CSE1L: variants seen among roughly 807,000 people sequenced by gnomAD.
CSE1L encodes the protein chromosome segregation 1 like.
In CSE1L, 24 loss-of-function variants were observed where a neutral mutation model predicts 120.4. The ratio of observed to expected loss-of-function variants is 0.20; its 90% CI spans 0.14 to 0.28. The LOEUF (loss-of-function observed/expected upper bound fraction) is 0.28, where lower values mean the gene tolerates loss of function less well. Ranked by LOEUF, CSE1L falls within the 10% of genes least tolerant of loss-of-function variation. CSE1L has a pLI of 1.00. For missense variants in CSE1L, 830 were observed against 1,145.2 expected (o/e 0.72, Z 3.97); for synonymous variants, 402 against 398.3 (o/e 1.01, Z -0.11).
Position 49,067,171 on chromosome 20 carries a change from T to G in CSE1L, c.477-19T>G, listed in dbSNP as rs1216251246. 1 of 1,529,728 alleles carries G rather than the reference T, an allele frequency of 6.5e-7. No individual in the cohort carries two copies. The highest frequency in any genetic ancestry group is 2.3e-5 in the East Asian group (1 of 44,260). The allele number at this position is 1,529,728 out of a possible 1,614,324, so 94.8% of individuals were successfully genotyped here. A position where few individuals can be genotyped will look rare whatever the true frequency, so the allele number is the denominator to read the frequency against. On this transcript the variant is annotated intron_variant, in intron 5 of 24. Coordinates refer to ENST00000262982, the MANE Select transcript of CSE1L (RefSeq NM_001316.4). ...TAAAAAAAACTTGTAAATTTATCTG[T>G]TTTACCTTAATTTTCTAGATACCGT...
chr20:49,073,766 A>G (rs867376690), intron 10 of CSE1L, among the ~76,000 whole-genome samples: 12 of 152,162 alleles, frequency 7.9e-5, no homozygotes, highest in African/African-American at 2.9e-4. Flanking sequence ...GATTACAGGC[A>G]TGAGCCACCA....
At chr20:49,094,367 G>A (rs2092124112) in intron 23 of CSE1L, 81 bp downstream of exon 23, 2 of 1,362,202 alleles carry the variant, frequency 1.5e-6, no homozygotes, top group East Asian at 2.3e-5. Context: ...TTATTCTCTT[G>A]GGGGCCAAGA....
intron 1 of CSE1L, among the ~76,000 whole-genome samples, chr20:49,057,307 AT>A (rs2091816436): frequency 6.6e-6 from 1 of 152,138 alleles, no homozygotes; most frequent in African/African-American, 2.4e-5. Context: ...GAACTCTAGA[AT>A]TTATCTCCCT....
chr20:49,081,342 G>A (rs1206794607), intron 14 of CSE1L, among the ~76,000 whole-genome samples: 1 of 152,130 alleles, frequency 6.6e-6, no homozygotes, highest in Non-Finnish European at 1.5e-5. Flanking sequence ...GGAGTGCAGT[G>A]ACATGACCAC....
chr20:49,051,623 G>T (rs145493669), intron 1 of CSE1L, among the ~76,000 whole-genome samples: 92 of 152,348 alleles, frequency 6.0e-4, no homozygotes, highest in African/African-American at 2.1e-3. Context: ...AGCTCTGCAG[G>T]CAGAAGGAAT....
intron 22 of CSE1L, among the ~76,000 whole-genome samples, chr20:49,092,820 A>G (rs2092112313): frequency 6.6e-6 from 1 of 152,008 alleles, no homozygotes; most frequent in Admixed American, 6.5e-5. Flanking sequence ...GTATAATTAA[A>G]AAAAAAAACC....
At chr20:49,069,520 A>C (rs913427594) in intron 7 of CSE1L, among the ~76,000 whole-genome samples, 5 of 152,264 alleles carry the variant, frequency 3.3e-5, no homozygotes, top group African/African-American at 1.2e-4. Flanking sequence ...CAACATGAAT[A>C]AACTCATAGT....
intron 8 of CSE1L, among the ~76,000 whole-genome samples, chr20:49,071,987 CA>C (rs1440021303): frequency 6.8e-6 from 1 of 146,800 alleles, no homozygotes; most frequent in African/African-American, 2.5e-5. Flanking sequence ...AAAAAAAAAC[CA>C]CTCCTGGCCT....
chr20:49,066,591 G>A, intron 5 of CSE1L, 81 bp downstream of exon 5: 14 of 1,268,064 alleles, frequency 1.1e-5, no homozygotes, highest in Admixed American at 2.5e-5. Flanking sequence ...TTTTGTGACT[G>A]TTGTCATTCC....
At chr20:49,064,592 A>G (rs1038892458) in intron 3 of CSE1L, among the ~76,000 whole-genome samples, 1 of 152,134 alleles carries the variant, frequency 6.6e-6, no homozygotes, top group Non-Finnish European at 1.5e-5. Flanking sequence ...CACGGCCTGT[A>G]GTCCCAGCCA....
At chr20:49,074,359 C>G (rs948104963) in intron 10 of CSE1L, among the ~76,000 whole-genome samples, 2 of 151,850 alleles carry the variant, frequency 1.3e-5, no homozygotes, top group Non-Finnish European at 2.9e-5. Context: ...GCGTGAGCCA[C>G]CATGCCGGCC....
At chr20:49,080,988 T>C (rs2092008412) in intron 14 of CSE1L, among the ~76,000 whole-genome samples, 5 of 64,522 alleles carry the variant, frequency 7.7e-5, no homozygotes, top group South Asian at 7.9e-4. Context: ...TCTTTCTCCT[T>C]CTTTTTTTTT....
In CSE1L at chr20:49,089,339, A is replaced by G. The variant is rs1432328554; in HGVS notation, c.1914A>G (p.Val638=). The G allele has an allele frequency of 6.2e-7, 1 of 1,613,414 alleles. No individual in the cohort carries two copies. The highest frequency in any genetic ancestry group is 1.3e-5 in the African/African-American group (1 of 74,978). The change falls in exon 18 of 25, where the codon GTA becomes GTG. Residue 638 remains valine, a synonymous_variant. Transcript: ENST00000262982. The stretch of plus-strand genomic sequence containing the variant: ...GCAAAGCTAACCCTGCTGCTGTTGT[A>G]AATTTTGAGGAGGCTTTGTTTTTGG... The part of the protein sequence containing the change: ...ITCKANPAAV[V]NFEEALFLVF...
chr20:49,091,151 G>A (rs1301310361), intron 21 of CSE1L, 129 bp downstream of exon 21: 3 of 689,648 alleles, frequency 4.4e-6, no homozygotes, highest in East Asian at 5.5e-5. Context: ...GGCCACGTGT[G>A]GAGGTTCATG....
intron 24 of CSE1L, 30 bp from the exon 25 acceptor site, chr20:49,096,319 C>T (rs751978948): frequency 1.3e-6 from 2 of 1,563,940 alleles, no homozygotes; most frequent in Admixed American, 1.7e-5. Flanking sequence ...AGATCTCCAA[C>T]AGCCAGTGTG....
At position 49,085,589 on chromosome 20, in the gene CSE1L, T is replaced by TTTTTTTTG. The variant is rs11474758; in HGVS notation, c.1723+203_1723+204insTTTTTTTG. On this transcript the variant is annotated intron_variant, in intron 16 of 24. Transcript: ENST00000262982. ...TTTTTTTTTTTTTTTTTTTTTTTTT[T>TTTTTTTTG]GAGATGGAGCCTTGCTCTGTTGCCC... is the stretch of plus-strand genomic sequence containing the variant. Among the ~76,000 whole-genome samples, 34 of 138,758 alleles carry TTTTTTTTG rather than the reference T, an allele frequency of 2.5e-4. 1 individual carries two copies. The highest frequency in any genetic ancestry group is 7.1e-4 in the South Asian group (3 of 4,196). 91.0% of individuals were successfully genotyped at this position (138,758 alleles called of 152,430 possible).
chr20:49,056,149 G>A (rs1341718573), intron 1 of CSE1L, among the ~76,000 whole-genome samples: 5 of 148,738 alleles, frequency 3.4e-5, no homozygotes, highest in African/African-American at 1.2e-4. Flanking sequence ...CGCTCTTTCT[G>A]AGGCTGGAGT....
rs1305723539 is a variant in CSE1L, at chr20:49,085,268, T to C, written c.1620-15T>C. 6.2e-7 allele frequency: 1 copy of C among 1,610,654 alleles called. No homozygotes were observed. Among genetic ancestry groups the C allele is most frequent in the South Asian group, 1.1e-5 (1 of 90,978 alleles). ...AAGAGTTGGTAGTGACTGAAAGCTG[T>C]TTTTTCATCTATAGCTTTACAGCTG... On this transcript the variant is annotated splice_polypyrimidine_tract_variant and intron_variant, in intron 15 of 24. Coordinates refer to ENST00000262982, the MANE Select transcript of CSE1L (RefSeq NM_001316.4).
chr20:49,089,552 G>A lies in CSE1L; in HGVS notation c.1987G>A (p.Val663Ile), dbSNP rs778127732. 27 of 1,613,950 alleles carry A rather than the reference G, an allele frequency of 1.7e-5. No homozygotes were observed. In the East Asian group the frequency reaches 4.0e-4, roughly 24 times the overall value. The change falls in exon 19 of 25, where the codon GTC becomes ATC. Residue 663 changes from valine to isoleucine, a missense_variant. Transcript: ENST00000262982. ...QNDVQEFIPY[V>I]FQVMSLLLET... ...TTTATCAACAGAATTTATTCCATACGTCTTTCAAGTGATGTCTTTGCTTCT... is the reference window on the plus strand; with the variant it reads ...TTTATCAACAGAATTTATTCCATACATCTTTCAAGTGATGTCTTTGCTTCT...
Sources: gnomAD v4.1 joint callset for allele counts (sites outside exome capture counted in the v4.1 genomes callset) on GRCh38, gnomAD v4.1.1 for gene constraint, MANE v1.5 for transcripts, NCBI Gene and HGNC (gene_info 2026-07-23, HGNC 2026-07-21) for gene names.